Variants in FAT1 observed in about 807,000 individuals in gnomAD.
FAT1 encodes the protein protocadherin Fat 1.
A neutral mutation model predicts 329.8 loss-of-function variants in FAT1; 171 were observed. That is an observed-to-expected ratio of 0.52 (90% CI 0.46 to 0.59). FAT1 has a LOEUF of 0.59. FAT1 is among the 20% of genes least tolerant of loss of function. FAT1 has a pLI of 0.00. For synonymous variants in FAT1, 2,233 were observed against 2,228.6 expected (o/e 1.00, Z -0.06); for missense variants, 5,672 against 5,774.4 (o/e 0.98, Z 0.57).
intron 24 of FAT1, 92 bp downstream of exon 24, chr4:186,597,590 T>C (rs1340499627): frequency 2.4e-6 from 2 of 818,262 alleles, no homozygotes; most frequent in South Asian, 3.0e-5. Context: ...TCTGACATAA[T>C]GTAGTTCAAA....
intron 7 of FAT1, among the ~76,000 whole-genome samples, chr4:186,629,429 A>G (rs1250163613): frequency 6.6e-6 from 1 of 152,260 alleles, no homozygotes; most frequent in Non-Finnish European, 1.5e-5. Flanking sequence ...AGAGGAAAAA[A>G]GCAAATGTTA....
At chr4:186,718,909 T>TTTCTCAGTG in intron 1 of FAT1, among the ~76,000 whole-genome samples, 1 of 152,172 alleles carries the variant, frequency 6.6e-6, no homozygotes, top group South Asian at 2.1e-4. Flanking sequence ...CCAATGACCT[T>TTTCTCAGTG]TTCTCAGTGC....
At chr4:186,650,496 G>A (rs1427485951) in intron 3 of FAT1, among the ~76,000 whole-genome samples, 2 of 152,102 alleles carry the variant, frequency 1.3e-5, no homozygotes, top group African/African-American at 4.8e-5. Flanking sequence ...TAGCCTCTCT[G>A]TCCTCAAGAG....
chr4:186,675,816 C>G (rs1742928087), intron 2 of FAT1, among the ~76,000 whole-genome samples: 1 of 146,148 alleles, frequency 6.8e-6, no homozygotes, highest in African/African-American at 2.8e-5. Context: ...CACACACACA[C>G]ACACACACAA....
rs2126390356 is a variant in FAT1 at position 186,596,809 on chromosome 4, T to A, written c.12731A>T (p.Asp4244Val). ...DSKLNKNIYS[D>V]IPPQVPVRPI... is the part of the protein sequence containing the mutation. ...CCGGACAGGCACCTGGGGTGGTATG[T>A]CTGAGTAAATGTTCTTATTTAGCTT... The change falls in exon 25 of 27, where the codon GAC (aspartate) becomes GTC (valine). Residue 4244 changes from aspartate (D) to valine (V), a missense_variant. Around this residue, in one of 2 missense-constraint regions of FAT1, gnomAD observed 1,706 missense variants for 1,859.1 expected, o/e 0.92. Coordinates refer to ENST00000441802, the MANE Select transcript of FAT1 (RefSeq NM_005245.4). This position sits in a 1 kb window ranked among gnomAD's most constrained non-coding sequence, Gnocchi z 4.7. 6.2e-7 allele frequency: 1 copy of A among 1,613,986 alleles called. No individual in the cohort carries two copies. Among genetic ancestry groups the A allele is most frequent in the African/African-American group, 1.3e-5 (1 of 75,036 alleles).
rs1392940143 is a variant in FAT1, at chr4:186,628,706, A to T, written c.4381T>A (p.Tyr1461Asn). Residue 1461 changes from tyrosine (Y) to asparagine (N), a missense_variant, in exon 8 of 27, where the codon TAT (tyrosine) becomes AAT (asparagine). Tyr to Asn is a moderately radical substitution (Grantham distance 143). Transcript: ENST00000441802. ...DHRPQFSTSK[Y>N]EVVIPEDTAP... The stretch of plus-strand genomic sequence containing the variant: ...GTATCTTCAGGAATAACAACTTCAT[A>T]CTTTGATGTAGAAAACTGAGGACGA... 6.2e-7 allele frequency: 1 copy of T among 1,613,804 alleles called. No homozygotes were observed. Among genetic ancestry groups the T allele is most frequent in the African/African-American group, 1.3e-5 (1 of 74,940 alleles).
chr4:186,642,362 G>A lies in FAT1; in HGVS notation c.3581-2579C>T, dbSNP rs112729899. Reference sequence around the variant, plus strand: ...CATTTAAAAATTAGTCTTCTTTTCTGTACTGGAAAACTCACGAGGACAGTG... The same window carrying A: ...CATTTAAAAATTAGTCTTCTTTTCTATACTGGAAAACTCACGAGGACAGTG... On this transcript the variant is annotated intron_variant, in intron 3 of 26. Transcript: ENST00000441802. Among the ~76,000 whole-genome samples the A allele has an allele frequency of 2.0e-3, 297 of 152,260 alleles. 2 individuals carry two copies. The highest frequency in any genetic ancestry group is 6.3e-3 in the African/African-American group (263 of 41,546).
intron 17 of FAT1, 94 bp from the exon 18 acceptor site, chr4:186,604,668 C>T (rs1739007543): frequency 1.3e-6 from 1 of 774,298 alleles, no homozygotes; most frequent in South Asian, 2.2e-5. Flanking sequence ...ATATAAAATA[C>T]ATACAAAACA....
At chr4:186,698,769 G>C (rs2126671021) in intron 2 of FAT1, among the ~76,000 whole-genome samples, 1 of 152,360 alleles carries the variant, frequency 6.6e-6, no homozygotes, top group Middle Eastern at 3.4e-3. Flanking sequence ...GCCACGGAGA[G>C]ACTGGACCCC....
chr4:186,641,609 G>GCACTGC (rs893102976), intron 3 of FAT1, among the ~76,000 whole-genome samples: 4 of 152,102 alleles, frequency 2.6e-5, no homozygotes, highest in African/African-American at 9.7e-5. Flanking sequence ...CTCACCAACA[G>GCACTGC]CACTGCGCAA....
At position 186,613,227 on chromosome 4, in the gene FAT1, T is replaced by C. The variant is rs1281422007; in HGVS notation, c.9345A>G (p.Leu3115=). ...RFCQASIVLT[L]EDVNDNAPEF... ...CGGGGGCGTTATCGTTCACATCTTC[T>C]AGCGTGAGCACAATACTGGCTTGGC... is the stretch of plus-strand genomic sequence containing the variant. The change falls in exon 13 of 27, where the codon CTA becomes CTG. Residue 3115 remains leucine, a synonymous_variant. Transcript: ENST00000441802. 1 of 1,613,576 alleles carries C rather than the reference T, an allele frequency of 6.2e-7. No individual in the cohort carries two copies. Among genetic ancestry groups the C allele is most frequent in the Non-Finnish European group, 8.5e-7 (1 of 1,179,510 alleles).
chr4:186,636,283 C>T (rs1315986597), intron 5 of FAT1, 48 bp from the exon 6 acceptor site: 7 of 1,544,930 alleles, frequency 4.5e-6, no homozygotes, highest in Non-Finnish European at 6.3e-6. Flanking sequence ...TCAGGAGTTA[C>T]AACCCAGAAA....
chr4:186,709,433 C>T lies in FAT1; in HGVS notation c.395G>A (p.Arg132Gln), dbSNP rs770123806. 22 of 1,613,766 alleles carry T rather than the reference C, an allele frequency of 1.4e-5. No individual in the cohort carries two copies. In the South Asian group the frequency reaches 1.5e-4, roughly 11 times the overall value. Residue 132 changes from arginine (R) to glutamine (Q), a missense_variant, in exon 2 of 27, where the codon CGA (arginine) becomes CAA (glutamine). Arg to Gln is a conservative substitution (Grantham distance 43, BLOSUM62 1). This residue lies in a region of FAT1 where 3,966 missense variants were observed against 3,915.2 expected (regional missense o/e 1.01). Transcript: ENST00000441802. Reference protein sequence around the residue: ...ALEKNTNVEARTKVRVQVLDT... With the variant: ...ALEKNTNVEAQTKVRVQVLDT... ...CAGCACCTGCACCCTGACCTTTGTT[C>T]GCGCCTCCACATTAGTATTTTTTTC...
At chr4:186,636,456 A>G (rs1740820861) in intron 5 of FAT1, 129 bp downstream of exon 5, 2 of 1,031,558 alleles carry the variant, frequency 1.9e-6, no homozygotes, top group African/African-American at 3.2e-5. Context: ...GGCATTGCCT[A>G]ATGGGGCCAG....
At chr4:186,639,103 G>C (rs888940955) in intron 4 of FAT1, among the ~76,000 whole-genome samples, 4 of 152,168 alleles carry the variant, frequency 2.6e-5, no homozygotes, top group Non-Finnish European at 5.9e-5. Context: ...GTTTTCTAAG[G>C]ACTAAAAGGC....
In FAT1 at chr4:186,707,674, G is replaced by A. The variant is rs745573313; in HGVS notation, c.2154C>T (p.Ser718=). The A allele has an allele frequency of 6.2e-6, 10 of 1,613,868 alleles. No homozygotes were observed. Among genetic ancestry groups the A allele is most frequent in the Non-Finnish European group, 8.5e-6 (10 of 1,179,890 alleles). The change falls in exon 2 of 27, where the codon AGC becomes AGT. Residue 718 remains serine (S), a synonymous_variant. Transcript: ENST00000441802. The part of the protein sequence containing the change: ...SVNAHIPQFR[S]TLPTGIQVKE... ...TTACCTGAATACCAGTCGGAAGAGTGCTTCTAAACTGCGGTATGTGAGCAT... is the reference window on the plus strand; with the variant it reads ...TTACCTGAATACCAGTCGGAAGAGTACTTCTAAACTGCGGTATGTGAGCAT...
intron 6 of FAT1, among the ~76,000 whole-genome samples, chr4:186,635,629 C>A (rs935743445): frequency 6.6e-6 from 1 of 152,118 alleles, no homozygotes; most frequent in Non-Finnish European, 1.5e-5. Context: ...ATGTTCCAAT[C>A]ATATTCACTA....
chr4:186,668,974 G>T (rs79104891), intron 2 of FAT1, among the ~76,000 whole-genome samples: 1 of 152,046 alleles, frequency 6.6e-6, no homozygotes, highest in Non-Finnish European at 1.5e-5. Context: ...TATATAGTGG[G>T]TTATAAACTC....
Position 186,686,245 on chromosome 4 carries a change from C to CA in FAT1, c.3265+20317_3265+20318insT, listed in dbSNP as rs531343401. On this transcript the variant is annotated intron_variant, in intron 2 of 26. Transcript: ENST00000441802. ...AATTATTTGAGAATTTTCACCCCCC[C>CA]CCGACATTCTGAAGAAAACATGTAG... Among the ~76,000 whole-genome samples the CA allele has an allele frequency of 8.8e-5, 13 of 147,042 alleles. No individual in the cohort carries two copies. The East Asian group carries it at 1.6e-3, about 18-fold the overall frequency.
Sources: allele counts gnomAD v4.1 joint callset (sites outside exome capture counted in the v4.1 genomes callset), GRCh38; gene constraint gnomAD v4.1.1; regional missense constraint gnomAD v4.1.1; non-coding constraint Gnocchi (gnomAD v3.1); transcripts MANE v1.5; gene names NCBI Gene and HGNC (gene_info 2026-07-23, HGNC 2026-07-21).